GCA: variants seen among roughly 807,000 people sequenced by gnomAD.
GCA encodes the protein grancalcin, EF-hand calcium-binding protein.
GCA carries 30 observed loss-of-function variants against 32.6 expected under a neutral mutation model. The observed-to-expected ratio is 0.92, with a 90% CI of 0.69 to 1.25. The LOEUF (loss-of-function observed/expected upper bound fraction) is 1.25. Among genes scored for constraint, GCA ranks in the 50% most tolerant of loss-of-function variants. GCA has a pLI of 0.00. For synonymous variants in GCA, 102 were observed against 84.6 expected, an observed-to-expected ratio of 1.21 and a Z score of -1.13; for missense variants, 291 against 266.8, an observed-to-expected ratio of 1.09 and a Z score of -0.63.
chr2:162,354,737 C>T (rs1685177245), intron 3 of GCA, among the ~76,000 whole-genome samples: 1 of 152,128 alleles, frequency 6.6e-6, no homozygotes, highest in Non-Finnish European at 1.5e-5. Context: ...TAACTCACAT[C>T]CATCAGCTCT....
chr2:162,345,114 G>GTGGTGC, intron 1 of GCA, among the ~76,000 whole-genome samples: 2 of 148,670 alleles, frequency 1.3e-5, no homozygotes, highest in Middle Eastern at 7.2e-3. Flanking sequence ...GGTGGTGGTG[G>GTGGTGC]TGGTGGTGGT....
intron 1 of GCA, among the ~76,000 whole-genome samples, chr2:162,321,062 T>C (rs1381992388): frequency 1.3e-5 from 2 of 152,180 alleles, no homozygotes; most frequent in African/African-American, 2.4e-5. Context: ...GGGACTTCTT[T>C]TTTAGGAATC....
downstream of GCA, among the ~76,000 whole-genome samples, chr2:162,367,906 A>T (rs1685807621): frequency 6.6e-6 from 1 of 152,014 alleles, no homozygotes; most frequent in South Asian, 2.1e-4. Context: ...CAAGAAAAAG[A>T]CTGGGGGAGG....
At chr2:162,352,437 T>C (rs1685050940) in intron 3 of GCA, 30 bp downstream of exon 3, 3 of 1,273,754 alleles carry the variant, frequency 2.4e-6, no homozygotes, top group African/African-American at 2.9e-5. Flanking sequence ...TTTGTTGAAA[T>C]TATAATAGGA....
At chr2:162,346,099 G>A (rs1463584725) in intron 1 of GCA, among the ~76,000 whole-genome samples, 2 of 151,946 alleles carry the variant, frequency 1.3e-5, no homozygotes. Flanking sequence ...ATAACTCAAT[G>A]TAAAGGACTT....
rs1685643636 is a variant in GCA, at chr2:162,363,098, A to T, written c.*2855A>T. On this transcript the variant is annotated 3_prime_UTR_variant, in exon 8 of 8. Coordinates refer to ENST00000437150, the MANE Select transcript of GCA (RefSeq NM_012198.5). ...CTTATGGCATTACTAAACTGGACAAACAAAATAAATACTCTTTGTCGGAAA... is the reference window on the plus strand; with the variant it reads ...CTTATGGCATTACTAAACTGGACAATCAAAATAAATACTCTTTGTCGGAAA... Among the ~76,000 whole-genome samples the T allele has an allele frequency of 6.6e-6, 1 of 151,530 alleles. No individual in the cohort carries two copies. The highest frequency in any genetic ancestry group is 1.5e-5 in the Non-Finnish European group (1 of 67,618).
chr2:162,363,040 A>T lies in GCA; in HGVS notation c.*2797A>T, dbSNP rs1246058339. 6.6e-6 allele frequency among the ~76,000 whole-genome samples: 1 copy of T among 151,452 alleles called. No homozygotes were observed. Among genetic ancestry groups the T allele is most frequent in the African/African-American group, 2.4e-5 (1 of 41,374 alleles). ...AAATCAATTTGTGATTATTTCTTTA[A>T]GTAAAATATAAGACATTAAGTTTGC... On this transcript the variant is annotated 3_prime_UTR_variant, in exon 8 of 8. Coordinates refer to ENST00000437150, the MANE Select transcript of GCA (RefSeq NM_012198.5).
At chr2:162,327,357 G>T (rs1348493343) in intron 1 of GCA, among the ~76,000 whole-genome samples, 1 of 152,166 alleles carries the variant, frequency 6.6e-6, no homozygotes, top group East Asian at 1.9e-4. Context: ...ATTGTGGGGG[G>T]CAGGGGGAGC....
chr2:162,357,400 T>C (rs1326858820), intron 5 of GCA, among the ~76,000 whole-genome samples: 2 of 151,862 alleles, frequency 1.3e-5, no homozygotes, highest in African/African-American at 4.8e-5. Flanking sequence ...TTTATTCTTA[T>C]ACCTCTGATA....
At chr2:162,343,628 G>T (rs1684520676), upstream of GCA, among the ~76,000 whole-genome samples, 1 of 152,164 alleles carries the variant, frequency 6.6e-6, no homozygotes, top group South Asian at 2.1e-4. Context: ...TGGCGCAGAA[G>T]CACTCCTCCT....
chr2:162,361,510 T>C lies in GCA; in HGVS notation c.*1267T>C, dbSNP rs1414579573. On this transcript the variant is annotated 3_prime_UTR_variant, in exon 8 of 8. Transcript: ENST00000437150. Reference sequence around the variant, plus strand: ...AATTTATAGATTTTATAAAATCCCATGTTTCTTAATGGATGGAGGATAGAT... The same window carrying C: ...AATTTATAGATTTTATAAAATCCCACGTTTCTTAATGGATGGAGGATAGAT... 1 of 977,154 alleles carries C rather than the reference T, an allele frequency of 1.0e-6. No individual in the cohort carries two copies. The allele number at this position is 977,154 out of a possible 1,614,324, so 60.5% of individuals were successfully genotyped here.
chr2:162,350,066 G>C (rs76342814), intron 2 of GCA, among the ~76,000 whole-genome samples: 1 of 152,096 alleles, frequency 6.6e-6, no homozygotes, highest in South Asian at 2.1e-4. Flanking sequence ...TGTAATAGAG[G>C]CTGGGGAACT....
chr2:162,319,593 G>A (rs997037581), intron 1 of GCA, among the ~76,000 whole-genome samples: 6 of 150,130 alleles, frequency 4.0e-5, no homozygotes, highest in African/African-American at 1.5e-4. Context: ...TCTATGTCAT[G>A]AGAGAAAAAA....
Position 162,361,533 on chromosome 2 carries a change from G to A in GCA, c.*1290G>A. On this transcript the variant is annotated 3_prime_UTR_variant, in exon 8 of 8. Transcript: ENST00000437150. Reference sequence around the variant, plus strand: ...CATGTTTCTTAATGGATGGAGGATAGATGGCAATATCTTGAACAAAATCTT... The same window carrying A: ...CATGTTTCTTAATGGATGGAGGATAAATGGCAATATCTTGAACAAAATCTT... The A allele has an allele frequency of 1.0e-6, 1 of 980,432 alleles. No homozygotes were observed. Among genetic ancestry groups the A allele is most frequent in the Non-Finnish European group, 1.2e-6 (1 of 825,660 alleles). 60.7% of individuals were successfully genotyped at this position (980,432 alleles called of 1,614,324 possible).
At chr2:162,348,451 T>G (rs1443929637) in intron 2 of GCA, among the ~76,000 whole-genome samples, 2 of 152,204 alleles carry the variant, frequency 1.3e-5, no homozygotes, top group Non-Finnish European at 2.9e-5. Flanking sequence ...TCATTTATAG[T>G]AATTTTGATT....
intron 1 of GCA, among the ~76,000 whole-genome samples, chr2:162,322,708 TC>T (rs1359734919): frequency 6.6e-6 from 1 of 151,292 alleles, no homozygotes; most frequent in African/African-American, 2.5e-5. Flanking sequence ...ATTTCCAATT[TC>T]ATCCATGTCC....
downstream of GCA, chr2:162,372,154 A>G: frequency 7.6e-7 from 1 of 1,321,858 alleles, no homozygotes; most frequent in Non-Finnish European, 1.1e-6. Flanking sequence ...AGTCATTGAA[A>G]ATTACACTAA....
chr2:162,369,500 C>T (rs1186299181), intron 4 of GCA, among the ~76,000 whole-genome samples: 2 of 152,028 alleles, frequency 1.3e-5, no homozygotes, highest in African/African-American at 2.4e-5. Context: ...GCTTGCACAC[C>T]ATTCCCCATC....
At chr2:162,373,765 T>C (rs1200120919), downstream of GCA, 2 of 669,634 alleles carry the variant, frequency 3.0e-6, no homozygotes, top group Non-Finnish European at 4.5e-6. Flanking sequence ...ATTATGGCCT[T>C]GCTTTAAACA....
Sources: gnomAD v4.1 joint callset for allele counts (sites outside exome capture counted in the v4.1 genomes callset) on GRCh38, gnomAD v4.1.1 for gene constraint, MANE v1.5 for transcripts, NCBI Gene and HGNC (gene_info 2026-07-23, HGNC 2026-07-21) for gene names.